Variants in HMBOX1 observed in about 807,000 individuals in gnomAD.
HMBOX1 encodes homeobox-containing protein 1.
HMBOX1 carries 14 observed loss-of-function variants against 54.5 expected under a neutral mutation model. The observed-to-expected ratio is 0.26, with a 90% CI of 0.17 to 0.40. HMBOX1 has a LOEUF of 0.40. HMBOX1 is among the 10% of genes least tolerant of loss of function. The pLI, the probability that HMBOX1 is intolerant of heterozygous loss-of-function variation, is 1.00. For synonymous variants in HMBOX1, 160 were observed against 181.0 expected, an observed-to-expected ratio of 0.88 and a Z score of 0.93; for missense variants, 332 against 514.4, an observed-to-expected ratio of 0.65 and a Z score of 3.43.
chr8:28,920,566 C>T (rs1248689734), intron 1 of HMBOX1, among the ~76,000 whole-genome samples: 1 of 151,988 alleles, frequency 6.6e-6, no homozygotes, highest in African/African-American at 2.4e-5. Flanking sequence ...GCCCTCATAC[C>T]CAAATATTTC....
intron 1 of HMBOX1, chr8:28,915,556 CAAAAAAAAAAA>C (rs565018135): frequency 0.68 from 81,854 of 119,786 alleles, 25,261 homozygotes; most frequent in Admixed American, 0.75. Context: ...GACTCTGTCT[CAAAAAAAAAAA>C]AAAAAAAAAA....
chr8:28,936,546 C>G (rs1820431527), intron 1 of HMBOX1, among the ~76,000 whole-genome samples: 1 of 151,926 alleles, frequency 6.6e-6, no homozygotes, highest in Non-Finnish European at 1.5e-5. Context: ...TAATTATCCA[C>G]TGTGAGAAAT....
chr8:28,941,221 TAAAG>T (rs1821354927), intron 1 of HMBOX1, among the ~76,000 whole-genome samples: 1 of 152,150 alleles, frequency 6.6e-6, no homozygotes, highest in Non-Finnish European at 1.5e-5. Flanking sequence ...CTGTGGGGCA[TAAAG>T]AGATTGTATA....
chr8:29,039,824 T>A (rs1218911101), intron 6 of HMBOX1, among the ~76,000 whole-genome samples: 4 of 152,126 alleles, frequency 2.6e-5, no homozygotes, highest in African/African-American at 9.7e-5. Flanking sequence ...GCCACATAAT[T>A]TATTGTCCAA....
chr8:28,977,132 G>C (rs1198153657), intron 3 of HMBOX1, among the ~76,000 whole-genome samples: 1 of 152,086 alleles, frequency 6.6e-6, no homozygotes, highest in Non-Finnish European at 1.5e-5. Context: ...ATAATATCGT[G>C]CTGCAAGGCT....
intron 1 of HMBOX1, among the ~76,000 whole-genome samples, chr8:28,904,920 C>A (rs556860061): frequency 1.1e-4 from 16 of 152,132 alleles, no homozygotes; most frequent in Admixed American, 3.3e-4. Flanking sequence ...CGTGATCCAC[C>A]CTCCTTGGCC....
At chr8:29,049,741 G>A (rs1806158635) in intron 9 of HMBOX1, 1 of 203,578 alleles carries the variant, frequency 4.9e-6, no homozygotes, top group Admixed American at 5.9e-5. Flanking sequence ...GATGTTGACA[G>A]ATTTCATTAA....
chr8:28,921,697 A>G (rs562912146), intron 1 of HMBOX1, among the ~76,000 whole-genome samples: 2 of 152,348 alleles, frequency 1.3e-5, no homozygotes, highest in African/African-American at 2.4e-5. Flanking sequence ...CAGAACATAT[A>G]CCATAAAACA....
At chr8:28,902,388 A>G (rs536266341) in intron 1 of HMBOX1, among the ~76,000 whole-genome samples, 1 of 152,280 alleles carries the variant, frequency 6.6e-6, no homozygotes, top group African/African-American at 2.4e-5. Context: ...TATTTAGCCA[A>G]CAATGAGTTA....
intron 6 of HMBOX1, among the ~76,000 whole-genome samples, chr8:29,024,060 C>T (rs1362419879): frequency 6.6e-6 from 1 of 152,174 alleles, no homozygotes; most frequent in African/African-American, 2.4e-5. Flanking sequence ...ATTTCTTGTA[C>T]ATTAATCAGC....
chr8:29,024,116 C>T (rs2133075799), intron 6 of HMBOX1, among the ~76,000 whole-genome samples: 1 of 152,252 alleles, frequency 6.6e-6, no homozygotes, highest in South Asian at 2.1e-4. Context: ...AATTTGGTTA[C>T]CCTGAAATGT....
At chr8:28,958,165 C>G (rs1563466870) in intron 1 of HMBOX1, among the ~76,000 whole-genome samples, 2 of 152,146 alleles carry the variant, frequency 1.3e-5, no homozygotes, top group Non-Finnish European at 2.9e-5. Context: ...CGAGGTTTTG[C>G]TATATTGCCC....
intron 4 of HMBOX1, among the ~76,000 whole-genome samples, chr8:28,996,787 G>A (rs1370164920): frequency 1.3e-5 from 2 of 152,158 alleles, no homozygotes; most frequent in African/African-American, 4.8e-5. Flanking sequence ...TATATATGAT[G>A]TGAGGAAGGG....
intron 3 of HMBOX1, among the ~76,000 whole-genome samples, chr8:28,973,080 C>T (rs1827693277): frequency 6.6e-6 from 1 of 152,154 alleles, no homozygotes; most frequent in African/African-American, 2.4e-5. Context: ...ATTGCACCCT[C>T]ACCCACTGCT....
At chr8:28,963,333 C>T (rs961626160) in intron 1 of HMBOX1, among the ~76,000 whole-genome samples, 2 of 152,132 alleles carry the variant, frequency 1.3e-5, no homozygotes, top group Non-Finnish European at 2.9e-5. Context: ...TTCATTAGTG[C>T]TACAGTTTAG....
chr8:28,958,681 ATATT>A (rs1352132586), intron 1 of HMBOX1, among the ~76,000 whole-genome samples: 8 of 152,212 alleles, frequency 5.3e-5, no homozygotes, highest in African/African-American at 1.9e-4. Flanking sequence ...CTCTCTATAT[ATATT>A]TATTGTGTGT....
At chr8:29,017,870 A>C (rs1285240893) in intron 5 of HMBOX1, among the ~76,000 whole-genome samples, 3 of 152,244 alleles carry the variant, frequency 2.0e-5, no homozygotes, top group South Asian at 2.1e-4. Context: ...ATAAATATTA[A>C]TATCATTAAC....
chr8:28,993,112 G>T (rs1351009817), intron 4 of HMBOX1, among the ~76,000 whole-genome samples: 1 of 151,262 alleles, frequency 6.6e-6, no homozygotes, highest in African/African-American at 2.4e-5. Context: ...ACTATTTTCA[G>T]AAAGAACATA....
chr8:29,034,826 C>T (rs553545804), intron 6 of HMBOX1, among the ~76,000 whole-genome samples: 2 of 152,276 alleles, frequency 1.3e-5, no homozygotes, highest in East Asian at 1.9e-4. Flanking sequence ...CATTGTACTC[C>T]AGCCGGGGCA....
Sources: allele counts gnomAD v4.1 joint callset (sites outside exome capture counted in the v4.1 genomes callset), GRCh38; gene constraint gnomAD v4.1.1; transcripts MANE v1.5; gene names NCBI Gene and HGNC (gene_info 2026-07-23, HGNC 2026-07-21).